Variants in USP17L1 observed in about 807,000 individuals in gnomAD.
The protein encoded by USP17L1 is ubiquitin specific peptidase 17 like family member 1.
USP17L1 carries 42 observed loss-of-function variants against 31.4 expected under a neutral mutation model. The ratio of observed to expected loss-of-function variants is 1.34; its 90% CI spans 1.05 to 1.73. The LOEUF (loss-of-function observed/expected upper bound fraction) is 1.73. USP17L1 is among the 40% of genes most tolerant of loss of function. The pLI is 0.00. For synonymous variants in USP17L1, 230 were observed against 194.4 expected, an observed-to-expected ratio of 1.18 and a Z score of -1.52; for missense variants, 576 against 495.8, an observed-to-expected ratio of 1.16 and a Z score of -1.54.
In USP17L1 at chr8:7,333,666, G is replaced by C. The variant is rs766662551; in HGVS notation, c.1280G>C (p.Arg427Thr). ...GAGTTGGACGAGCACTTGGTGGAAA[G>C]AGCCACTCAGGAAAGCACCTTAGAC... Reference protein sequence around the residue: ...APELDEHLVERATQESTLDHW... With the variant: ...APELDEHLVETATQESTLDHW... The change falls in exon 1 of 1, where the codon AGA becomes ACA. Residue 427 changes from arginine (R) to threonine (T), a missense_variant. Physicochemically the swap from Arg to Thr is moderately conservative, Grantham distance 71. Coordinates refer to ENST00000529559, the MANE Select transcript of USP17L1 (RefSeq NM_001256873.1). 7.6e-6 allele frequency: 12 copies of C among 1,574,482 alleles called. No individual in the cohort carries two copies. Among genetic ancestry groups the C allele is most frequent in the Middle Eastern group, 4.0e-4 (2 of 4,952 alleles).
chr8:7,333,587 A>C lies in USP17L1; in HGVS notation c.1201A>C (p.Arg401=). ...PRALGAEDTD[R]RAKQGELKRD... ...AGCCCTCGGCGCTGAAGACACAGACAGGCGAGCAAAGCAAGGAGAGCTCAA... is the reference window on the plus strand; with the variant it reads ...AGCCCTCGGCGCTGAAGACACAGACCGGCGAGCAAAGCAAGGAGAGCTCAA... The change falls in exon 1 of 1, where the codon AGG becomes CGG. Residue 401 remains arginine (R), a synonymous_variant. Coordinates refer to ENST00000529559, the MANE Select transcript of USP17L1 (RefSeq NM_001256873.1). The C allele has an allele frequency of 6.8e-7, 1 of 1,472,388 alleles. No individual in the cohort carries two copies. The highest frequency in any genetic ancestry group is 9.2e-7 in the Non-Finnish European group (1 of 1,081,390). 91.2% of individuals were successfully genotyped at this position (1,472,388 alleles called of 1,614,324 possible).
Position 7,333,761 on chromosome 8 carries a change from C to A in USP17L1, c.1375C>A (p.Leu459Met), listed in dbSNP as rs1156298833. The change falls in exon 1 of 1, where the codon CTG (leucine) becomes ATG (methionine). Residue 459 changes from leucine (L) to methionine (M), a missense_variant. By Grantham distance (15) the Leu-to-Met change is conservative (BLOSUM62 2). Coordinates refer to ENST00000529559, the MANE Select transcript of USP17L1 (RefSeq NM_001256873.1). ...EFNVGKVEGTLPPNALVIHQS... is the reference protein window; with the variant it reads ...EFNVGKVEGTMPPNALVIHQS... ...CAACGTCGGAAAAGTCGAAGGTACCCTGCCTCCCAACGCACTTGTGATTCA... is the reference window on the plus strand; with the variant it reads ...CAACGTCGGAAAAGTCGAAGGTACCATGCCTCCCAACGCACTTGTGATTCA... The A allele has an allele frequency of 6.4e-7, 1 of 1,562,574 alleles. No individual in the cohort carries two copies. The highest frequency in any genetic ancestry group is 8.6e-7 in the Non-Finnish European group (1 of 1,157,772).
chr8:7,332,755 C>T lies in USP17L1; in HGVS notation c.369C>T (p.Cys123=). 4 of 607,798 alleles carry T rather than the reference C, an allele frequency of 6.6e-6. No homozygotes were observed. The highest frequency in any genetic ancestry group is 8.3e-6 in the Non-Finnish European group (3 of 363,372). The allele number at this position is 607,798 out of a possible 1,614,324, so 37.7% of individuals were successfully genotyped here. The stretch of plus-strand genomic sequence containing the variant: ...AAACATGTCAGCGTCCCAAGTGCTG[C>T]ATGCTCTGTACTATGCAAGCTCACA... ...HSQTCQRPKC[C]MLCTMQAHIT... is the part of the protein sequence containing the mutation. The change falls in exon 1 of 1, where the codon TGC becomes TGT. Residue 123 remains cysteine, a synonymous_variant. Coordinates refer to ENST00000529559, the MANE Select transcript of USP17L1 (RefSeq NM_001256873.1).
chr8:7,333,646 G>A lies in USP17L1; in HGVS notation c.1260G>A (p.Leu420=), dbSNP rs1430173221. 1.3e-6 allele frequency: 2 copies of A among 1,523,382 alleles called. No individual in the cohort carries two copies. Among genetic ancestry groups the A allele is most frequent in the Non-Finnish European group, 1.8e-6 (2 of 1,124,470 alleles). The allele number at this position is 1,523,382 out of a possible 1,614,324, so 94.4% of individuals were successfully genotyped here. ...ACCCCTGCCTCCAGGCACCCGAGTTGGACGAGCACTTGGTGGAAAGAGCCA... is the reference window on the plus strand; with the variant it reads ...ACCCCTGCCTCCAGGCACCCGAGTTAGACGAGCACTTGGTGGAAAGAGCCA... The part of the protein sequence containing the change: ...RDHPCLQAPE[L]DEHLVERATQ... The change falls in exon 1 of 1, where the codon TTG becomes TTA. Residue 420 remains leucine (L), a synonymous_variant. Coordinates refer to ENST00000529559, the MANE Select transcript of USP17L1 (RefSeq NM_001256873.1).
In USP17L1 at chr8:7,332,992, A is replaced by G; in HGVS notation, c.606A>G (p.Arg202=). Residue 202 remains arginine (R), a synonymous_variant, in exon 1 of 1, where the codon AGA becomes AGG. Coordinates refer to ENST00000529559, the MANE Select transcript of USP17L1 (RefSeq NM_001256873.1). ...ACCAAATATTTGGAGGCTGCTGGAG[A>G]TCTCAAATCAAGTGTCTCCACTGCC... ...LIHQIFGGCW[R]SQIKCLHCHG... is the part of the protein sequence containing the mutation. 2 of 1,509,628 alleles carry G rather than the reference A, an allele frequency of 1.3e-6. No individual in the cohort carries two copies. Among genetic ancestry groups the G allele is most frequent in the Non-Finnish European group, 1.8e-6 (2 of 1,131,612 alleles). The allele number at this position is 1,509,628 out of a possible 1,614,324, so 93.5% of individuals were successfully genotyped here.
At chr8:7,333,391 C>G in the USP17L1 span, 7 of 1,574,156 alleles carry the variant, frequency 4.4e-6, no homozygotes, top group Non-Finnish European at 6.0e-6. Flanking sequence ...ACGGACATTA[C>G]TTCTCCTATG....
chr8:7,333,054 T>C lies in USP17L1; in HGVS notation c.668T>C (p.Ile223Thr). 9.9e-7 allele frequency: 1 copy of C among 1,009,192 alleles called. No individual in the cohort carries two copies. Among genetic ancestry groups the C allele is most frequent in the Non-Finnish European group, 1.4e-6 (1 of 698,702 alleles). The allele number at this position is 1,009,192 out of a possible 1,614,324, so 62.5% of individuals were successfully genotyped here. A position where few individuals can be genotyped will look rare whatever the true frequency, so the allele number is the denominator to read the frequency against. ...ISDTFDPYLD[I>T]ALDIQAAQSV... is the part of the protein sequence containing the mutation. ...GACACTTTTGACCCTTACCTGGACA[T>C]CGCCCTGGATATCCAGGCAGCTCAG... Residue 223 changes from isoleucine to threonine, a missense_variant, in exon 1 of 1, where the codon ATC (isoleucine) becomes ACC (threonine). Ile to Thr is a moderately conservative substitution (Grantham distance 89). Transcript: ENST00000529559.
rs1312861302 is a variant in USP17L1 at position 7,333,177 on chromosome 8, C to G, written c.791C>G (p.Ser264Cys). 2.5e-6 allele frequency: 2 copies of G among 800,448 alleles called. No individual in the cohort carries two copies. Among genetic ancestry groups the G allele is most frequent in the African/African-American group, 6.7e-5 (2 of 29,724 alleles). 49.6% of individuals were successfully genotyped at this position (800,448 alleles called of 1,614,324 possible). A position where few individuals can be genotyped will look rare whatever the true frequency, so the allele number is the denominator to read the frequency against. Residue 264 changes from serine (S) to cysteine (C), a missense_variant, in exon 1 of 1, where the codon TCC becomes TGC. Ser to Cys is a moderately radical substitution (Grantham distance 112). Coordinates refer to ENST00000529559, the MANE Select transcript of USP17L1 (RefSeq NM_001256873.1). The part of the protein sequence containing the change: ...CGLCLQRAPA[S>C]NTLTLHTSAK... ...CTTTGTCTCCAGAGGGCGCCGGCCT[C>G]CAACACGTTAACTTTACACACTTCT...
chr8:7,332,891 G>C lies in USP17L1; in HGVS notation c.505G>C (p.Val169Leu), dbSNP rs1467712711. The stretch of plus-strand genomic sequence containing the variant: ...TGTCCATGAATTTCTCATGTTCACT[G>C]TGGATGCCATGAAAAAGGCATGCCT... ...EDVHEFLMFT[V>L]DAMKKACLPG... Residue 169 changes from valine (V) to leucine (L), a missense_variant, in exon 1 of 1, where the codon GTG becomes CTG. Physicochemically the swap from Val to Leu is conservative, Grantham distance 32. Coordinates refer to ENST00000529559, the MANE Select transcript of USP17L1 (RefSeq NM_001256873.1). 10 of 1,436,304 alleles carry C rather than the reference G, an allele frequency of 7.0e-6. No homozygotes were observed. The highest frequency in any genetic ancestry group is 9.4e-6 in the Non-Finnish European group (10 of 1,066,494). The allele number at this position is 1,436,304 out of a possible 1,614,324, so 89.0% of individuals were successfully genotyped here. A position where few individuals can be genotyped will look rare whatever the true frequency, so the allele number is the denominator to read the frequency against.
Position 7,333,649 on chromosome 8 carries a change from C to T in USP17L1, c.1263C>T (p.Asp421=), listed in dbSNP as rs776298872. The part of the protein sequence containing the change: ...DHPCLQAPEL[D]EHLVERATQE... Reference sequence around the variant, plus strand: ...CCTGCCTCCAGGCACCCGAGTTGGACGAGCACTTGGTGGAAAGAGCCACTC... The same window carrying T: ...CCTGCCTCCAGGCACCCGAGTTGGATGAGCACTTGGTGGAAAGAGCCACTC... The change falls in exon 1 of 1, where the codon GAC becomes GAT. Residue 421 remains aspartate, a synonymous_variant. Transcript: ENST00000529559. The T allele has an allele frequency of 7.1e-5, 109 of 1,536,964 alleles. 9 individuals carry two copies. The highest frequency in any genetic ancestry group is 5.2e-4 in the East Asian group (23 of 43,996).
In USP17L1 at chr8:7,333,390, A is replaced by G. The variant is rs1325147132; in HGVS notation, c.1004A>G (p.Tyr335Cys). 1 of 1,573,692 alleles carries G rather than the reference A, an allele frequency of 6.4e-7. No individual in the cohort carries two copies. The highest frequency in any genetic ancestry group is 1.7e-5 in the Admixed American group (1 of 59,204). ...HAGWSCHDGHYFSYVKAQEVQ... is the reference protein window; with the variant it reads ...HAGWSCHDGHCFSYVKAQEVQ... Reference sequence around the variant, plus strand: ...GGGTGGAGTTGTCACGACGGACATTACTTCTCCTATGTCAAAGCTCAAGAA... The same window carrying G: ...GGGTGGAGTTGTCACGACGGACATTGCTTCTCCTATGTCAAAGCTCAAGAA... Residue 335 changes from tyrosine to cysteine, a missense_variant, in exon 1 of 1, where the codon TAC becomes TGC. By Grantham distance (194) the Tyr-to-Cys change is radical (BLOSUM62 -2). Coordinates refer to ENST00000529559, the MANE Select transcript of USP17L1 (RefSeq NM_001256873.1).
At position 7,333,612 on chromosome 8, in the gene USP17L1, A is replaced by G. The variant is rs778871759; in HGVS notation, c.1226A>G (p.Lys409Arg). 45 of 1,469,040 alleles carry G rather than the reference A, an allele frequency of 3.1e-5. 2 individuals carry two copies. Among genetic ancestry groups the G allele is most frequent in the Non-Finnish European group, 4.1e-5 (44 of 1,077,874 alleles). The allele number at this position is 1,469,040 out of a possible 1,614,324, so 91.0% of individuals were successfully genotyped here. A position where few individuals can be genotyped will look rare whatever the true frequency, so the allele number is the denominator to read the frequency against. Residue 409 changes from lysine (K) to arginine (R), a missense_variant, in exon 1 of 1, where the codon AAG (lysine) becomes AGG (arginine). Lys to Arg is a conservative substitution (Grantham distance 26, BLOSUM62 2). Transcript: ENST00000529559. ...AGGCGAGCAAAGCAAGGAGAGCTCAAGAGAGACCACCCCTGCCTCCAGGCA... is the reference window on the plus strand; with the variant it reads ...AGGCGAGCAAAGCAAGGAGAGCTCAGGAGAGACCACCCCTGCCTCCAGGCA... ...TDRRAKQGEL[K>R]RDHPCLQAPE...
At chr8:7,332,657 G>T in the USP17L1 span, 6 of 519,520 alleles carry the variant, frequency 1.2e-5, 1 homozygote, top group Non-Finnish European at 9.7e-6. Flanking sequence ...TACCTGCTAC[G>T]AGAACGCTTC....
At chr8:7,333,792 C>A in the USP17L1 span, 5 of 1,468,766 alleles carry the variant, frequency 3.4e-6, no homozygotes, top group Non-Finnish European at 3.7e-6. Flanking sequence ...ATTCATCAAT[C>A]AAAATACAAG....
Position 7,332,991 on chromosome 8 carries a change from G to T in USP17L1, c.605G>T (p.Arg202Ile), listed in dbSNP as rs1298423550. Residue 202 changes from arginine (R) to isoleucine (I), a missense_variant, in exon 1 of 1, where the codon AGA becomes ATA. Transcript: ENST00000529559. ...LIHQIFGGCW[R>I]SQIKCLHCHG... is the part of the protein sequence containing the mutation. ...CACCAAATATTTGGAGGCTGCTGGA[G>T]ATCTCAAATCAAGTGTCTCCACTGC... 6.6e-7 allele frequency: 1 copy of T among 1,515,912 alleles called. No individual in the cohort carries two copies. The highest frequency in any genetic ancestry group is 2.3e-5 in the East Asian group (1 of 43,154). 93.9% of individuals were successfully genotyped at this position (1,515,912 alleles called of 1,614,324 possible). A position where few individuals can be genotyped will look rare whatever the true frequency, so the allele number is the denominator to read the frequency against.
At position 7,332,527 on chromosome 8, in the gene USP17L1, C is replaced by T. The variant is rs1289755158; in HGVS notation, c.141C>T (p.Thr47=). The T allele has an allele frequency of 7.8e-6, 4 of 510,614 alleles. No homozygotes were observed. Among genetic ancestry groups the T allele is most frequent in the East Asian group, 3.0e-5 (1 of 33,540 alleles). The allele number at this position is 510,614 out of a possible 1,614,324, so 31.6% of individuals were successfully genotyped here. A position where few individuals can be genotyped will look rare whatever the true frequency, so the allele number is the denominator to read the frequency against. The change falls in exon 1 of 1, where the codon ACC becomes ACT. Residue 47 remains threonine (T), a synonymous_variant. Coordinates refer to ENST00000529559, the MANE Select transcript of USP17L1 (RefSeq NM_001256873.1). ...LPEKSPLSSE[T]RVDLCDDLAP... The stretch of plus-strand genomic sequence containing the variant: ...AGAAGTCACCACTCTCATCTGAGAC[C>T]CGTGTCGACCTCTGTGATGATTTGG...
rs573944918 is a variant in USP17L1 at position 7,333,168 on chromosome 8, C to G, written c.782C>G (p.Ala261Gly). ...AYHCGLCLQR[A>G]PASNTLTLHT... is the part of the protein sequence containing the mutation. Reference sequence around the variant, plus strand: ...CATTGCGGTCTTTGTCTCCAGAGGGCGCCGGCCTCCAACACGTTAACTTTA... The same window carrying G: ...CATTGCGGTCTTTGTCTCCAGAGGGGGCCGGCCTCCAACACGTTAACTTTA... The change falls in exon 1 of 1, where the codon GCG (alanine) becomes GGG (glycine). Residue 261 changes from alanine (A) to glycine (G), a missense_variant. Coordinates refer to ENST00000529559, the MANE Select transcript of USP17L1 (RefSeq NM_001256873.1). The G allele has an allele frequency of 2.1e-5, 16 of 777,316 alleles. 1 individual carries two copies. Among genetic ancestry groups the G allele is most frequent in the African/African-American group, 6.9e-5 (2 of 29,146 alleles). The allele number at this position is 777,316 out of a possible 1,614,324, so 48.2% of individuals were successfully genotyped here.
At position 7,333,168 on chromosome 8, in the gene USP17L1, C is replaced by T. The variant is rs573944918; in HGVS notation, c.782C>T (p.Ala261Val). 71 of 777,360 alleles carry T rather than the reference C, an allele frequency of 9.1e-5. 6 individuals are homozygous for T. The highest frequency in any genetic ancestry group is 8.2e-4 in the African/African-American group (24 of 29,188). 48.2% of individuals were successfully genotyped at this position (777,360 alleles called of 1,614,324 possible). The change falls in exon 1 of 1, where the codon GCG (alanine) becomes GTG (valine). Residue 261 changes from alanine to valine, a missense_variant. Ala to Val is a moderately conservative substitution (Grantham distance 64, BLOSUM62 0). Coordinates refer to ENST00000529559, the MANE Select transcript of USP17L1 (RefSeq NM_001256873.1). ...AYHCGLCLQRAPASNTLTLHT... is the reference protein window; with the variant it reads ...AYHCGLCLQRVPASNTLTLHT... ...CATTGCGGTCTTTGTCTCCAGAGGG[C>T]GCCGGCCTCCAACACGTTAACTTTA...
rs556996544 is a variant in USP17L1 at position 7,333,157 on chromosome 8, T to C, written c.771T>C (p.Cys257=). Residue 257 remains cysteine, a synonymous_variant, in exon 1 of 1, where the codon TGT becomes TGC. Transcript: ENST00000529559. The part of the protein sequence containing the change: ...NGENAYHCGL[C]LQRAPASNTL... ...AGAATGCCTATCATTGCGGTCTTTG[T>C]CTCCAGAGGGCGCCGGCCTCCAACA... The C allele has an allele frequency of 5.1e-6, 4 of 786,476 alleles. No homozygotes were observed. In the South Asian group the frequency reaches 5.7e-5, roughly 11 times the overall value. 48.7% of individuals were successfully genotyped at this position (786,476 alleles called of 1,614,324 possible). A position where few individuals can be genotyped will look rare whatever the true frequency, so the allele number is the denominator to read the frequency against.
Sources: allele counts gnomAD v4.1 joint callset, GRCh38; gene constraint gnomAD v4.1.1; transcripts MANE v1.5; gene names NCBI Gene and HGNC (gene_info 2026-07-23, HGNC 2026-07-21).